ADCY9: variants seen among roughly 807,000 people sequenced by gnomAD.
ADCY9 encodes the protein adenylate cyclase type 9.
ADCY9 carries 50 observed loss-of-function variants against 101.5 expected under a neutral mutation model. The ratio of observed to expected loss-of-function variants is 0.49; its 90% confidence interval spans 0.39 to 0.62. ADCY9 has a LOEUF of 0.62. ADCY9 is among the 20% of genes least tolerant of loss of function. ADCY9 has a pLI of 0.00. For missense variants in ADCY9, 1,662 were observed against 1,800.4 expected, an observed-to-expected ratio of 0.92 and a Z score of 1.39; for synonymous variants, 905 against 769.3, an observed-to-expected ratio of 1.18 and a Z score of -2.92.
intron 2 of ADCY9, among the ~76,000 whole-genome samples, chr16:4,028,480 A>G (rs943784222): frequency 6.6e-6 from 1 of 152,220 alleles, no homozygotes. Flanking sequence ...ACAATAAGCT[A>G]ATTGAGAAGT....
At chr16:4,016,060 G>C (rs2283497) in intron 2 of ADCY9, among the ~76,000 whole-genome samples, 1 of 151,818 alleles carries the variant, frequency 6.6e-6, no homozygotes, top group Non-Finnish European at 1.5e-5. Flanking sequence ...AGTTGATTCA[G>C]GTAAACAGGG....
At chr16:4,105,713 T>C (rs901499414) in intron 2 of ADCY9, among the ~76,000 whole-genome samples, 1 of 147,170 alleles carries the variant, frequency 6.8e-6, no homozygotes, top group Admixed American at 6.8e-5. Flanking sequence ...TTGGATGTGG[T>C]GGCATGCGCC....
chr16:4,075,705 G>A (rs1012535639), intron 2 of ADCY9, among the ~76,000 whole-genome samples: 2 of 152,116 alleles, frequency 1.3e-5, no homozygotes, highest in African/African-American at 2.4e-5. Context: ...AACGCAAAAG[G>A]AGGTAAAAAG....
intron 2 of ADCY9, among the ~76,000 whole-genome samples, chr16:4,018,343 G>A (rs149997171): frequency 0.011 from 1,689 of 151,926 alleles, 24 homozygotes; most frequent in African/African-American, 0.039. Flanking sequence ...CTCCTGAGTA[G>A]CTGGGATTAC....
intron 2 of ADCY9, among the ~76,000 whole-genome samples, chr16:4,018,998 A>C (rs1300785760): frequency 7.6e-5 from 3 of 39,528 alleles, no homozygotes; most frequent in Non-Finnish European, 2.2e-4. Flanking sequence ...TTTTAAGAGA[A>C]AAGGTCTTTC....
chr16:4,051,478 C>T (rs986696378), intron 2 of ADCY9, among the ~76,000 whole-genome samples: 2 of 150,358 alleles, frequency 1.3e-5, no homozygotes, highest in African/African-American at 4.9e-5. Context: ...GAGCAGAGAT[C>T]ACGCCACTGA....
chr16:4,052,687 C>T (rs1432170165), intron 2 of ADCY9, among the ~76,000 whole-genome samples: 3 of 152,132 alleles, frequency 2.0e-5, no homozygotes, highest in East Asian at 1.9e-4. Context: ...TATCAACTAG[C>T]GTGTAACTCT....
chr16:3,981,415 G>A (rs2056141418), intron 7 of ADCY9, among the ~76,000 whole-genome samples: 1 of 152,212 alleles, frequency 6.6e-6, no homozygotes, highest in Non-Finnish European at 1.5e-5. Flanking sequence ...GGTGGACCAG[G>A]GAAGGCAGAC....
intron 2 of ADCY9, among the ~76,000 whole-genome samples, chr16:4,049,937 G>A (rs2056690011): frequency 6.6e-6 from 1 of 152,032 alleles, no homozygotes; most frequent in Admixed American, 6.6e-5. Context: ...AAGCTAGGGT[G>A]GGAGGACTGC....
At chr16:3,988,705 G>T (rs866408003) in intron 6 of ADCY9, among the ~76,000 whole-genome samples, 5 of 151,588 alleles carry the variant, frequency 3.3e-5, no homozygotes, top group East Asian at 1.9e-4. Context: ...AGGTTGTGGT[G>T]GGGGGGCCCC....
At chr16:4,058,267 C>T (rs1056509841) in intron 2 of ADCY9, among the ~76,000 whole-genome samples, 3 of 151,546 alleles carry the variant, frequency 2.0e-5, no homozygotes, top group Non-Finnish European at 2.9e-5. Context: ...GGTTCAAAAC[C>T]ACCCTGGCCA....
chr16:4,050,575 G>T (rs544078311), intron 2 of ADCY9, among the ~76,000 whole-genome samples: 1 of 151,970 alleles, frequency 6.6e-6, no homozygotes, highest in Non-Finnish European at 1.5e-5. Flanking sequence ...TTAGCCGGAC[G>T]TGGTGGCGCA....
intron 2 of ADCY9, among the ~76,000 whole-genome samples, chr16:4,060,403 A>G (rs2056767663): frequency 6.6e-6 from 1 of 152,208 alleles, no homozygotes. Context: ...CGCACAAAGG[A>G]GGCCAGAAAA....
intron 2 of ADCY9, among the ~76,000 whole-genome samples, chr16:4,106,889 C>T (rs534368196): frequency 3.9e-5 from 6 of 152,324 alleles, no homozygotes; most frequent in African/African-American, 1.2e-4. Flanking sequence ...AATCTTGAAA[C>T]TTCTTGACTT....
At chr16:4,066,875 CCAA>C (rs2056804161) in intron 2 of ADCY9, among the ~76,000 whole-genome samples, 1 of 152,146 alleles carries the variant, frequency 6.6e-6, no homozygotes, top group South Asian at 2.1e-4. Context: ...CTGGTTCATC[CCAA>C]CGTTTTCATT....
rs773724088 is a variant in ADCY9 at position 4,007,467 on chromosome 16, G to A, written c.1785C>T (p.Asp595=). 23 of 1,614,050 alleles carry A rather than the reference G, an allele frequency of 1.4e-5. No individual in the cohort carries two copies. Among genetic ancestry groups the A allele is most frequent in the South Asian group, 3.3e-5 (3 of 91,074 alleles). ...TAGGGCCTGAGGACACCTGTGAGCC[G>A]TCAATGACCTCAAAGCCAGAAAGCA... ...EALLSGFEVI[D]GSQVSSGPRG... The change falls in exon 3 of 11, where the codon GAC becomes GAT. Residue 595 remains aspartate, a synonymous_variant. Transcript: ENST00000294016.
At position 3,966,796 on chromosome 16, in the gene ADCY9, G is replaced by A; in HGVS notation, c.3041C>T (p.Ala1014Val). 1 of 1,614,186 alleles carries A rather than the reference G, an allele frequency of 6.2e-7. No individual in the cohort carries two copies. Among genetic ancestry groups the A allele is most frequent in the Non-Finnish European group, 8.5e-7 (1 of 1,180,034 alleles). Residue 1014 changes from alanine to valine, a missense_variant, in exon 11 of 11, where the codon GCG becomes GTG. Ala to Val is a moderately conservative substitution (Grantham distance 64, BLOSUM62 0). This residue lies in a region of ADCY9 where 624 missense variants were observed against 639.1 expected (regional missense o/e 0.98). Coordinates refer to ENST00000294016, the MANE Select transcript of ADCY9 (RefSeq NM_001116.4). ...CTGGATCTTGGTGCGGTGAAGATCCGCTTCCACGTCTCCGTGGTAGTGGAG... is the reference window on the plus strand; with the variant it reads ...CTGGATCTTGGTGCGGTGAAGATCCACTTCCACGTCTCCGTGGTAGTGGAG... Reference protein sequence around the residue: ...YRLHYHGDVEADLHRTKIQSM... With the variant: ...YRLHYHGDVEVDLHRTKIQSM...
chr16:4,103,643 A>C (rs1029954636), intron 2 of ADCY9, among the ~76,000 whole-genome samples: 3 of 152,204 alleles, frequency 2.0e-5, no homozygotes, highest in Non-Finnish European at 4.4e-5. Flanking sequence ...CAGCCTGGCC[A>C]ATATGGCGAA....
intron 2 of ADCY9, among the ~76,000 whole-genome samples, chr16:4,012,158 G>A (rs1000554905): frequency 6.6e-6 from 1 of 152,166 alleles, no homozygotes; most frequent in Non-Finnish European, 1.5e-5. Context: ...CTTTACGAAG[G>A]TCAAACACAC....
Sources: gnomAD v4.1 joint callset for allele counts (sites outside exome capture counted in the v4.1 genomes callset) on GRCh38, gnomAD v4.1.1 for gene constraint, gnomAD v4.1.1 regional missense constraint, MANE v1.5 for transcripts, NCBI Gene and HGNC (gene_info 2026-07-23, HGNC 2026-07-21) for gene names.